Variants in CDH13 observed in about 807,000 individuals in gnomAD.
CDH13 encodes the protein cadherin-13.
CDH13 carries 24 observed loss-of-function variants against 63.8 expected under a neutral mutation model. The ratio of observed to expected loss-of-function variants is 0.38; its 90% CI spans 0.27 to 0.53. The LOEUF (loss-of-function observed/expected upper bound fraction) is 0.53. Ranked by LOEUF, CDH13 falls within the 20% of genes least tolerant of loss-of-function variation. The probability of loss-of-function intolerance (pLI) is 0.85; values close to 1 mark genes in which losing one functional copy is unlikely to be tolerated. For synonymous variants in CDH13, 503 were observed against 355.3 expected (o/e 1.42, Z -4.67); for missense variants, 1,049 against 903.1 (o/e 1.16, Z -2.07).
At position 83,748,089 on chromosome 16, in the gene CDH13, T is replaced by G; in HGVS notation, c.1539-19T>G. The G allele has an allele frequency of 6.2e-7, 1 of 1,613,768 alleles. No homozygotes were observed. Among genetic ancestry groups the G allele is most frequent in the Middle Eastern group, 1.6e-4 (1 of 6,062 alleles). ...TCTACTTTGAATGCAGAGTCTGACA[T>G]TGTGGGGATTTTTTTCAGGTATTCT... On this transcript the variant is annotated intron_variant, in intron 10 of 13. Transcript: ENST00000567109.
At chr16:83,148,028 G>T (rs2036823779) in intron 4 of CDH13, among the ~76,000 whole-genome samples, 1 of 152,124 alleles carries the variant, frequency 6.6e-6, no homozygotes, top group Non-Finnish European at 1.5e-5. Context: ...CAGCCTCCTA[G>T]GTACAAGCAA....
intron 1 of CDH13, among the ~76,000 whole-genome samples, chr16:82,724,289 A>G (rs972672266): frequency 4.6e-5 from 7 of 152,056 alleles, no homozygotes; most frequent in Admixed American, 4.6e-4. Flanking sequence ...CCATCTATCC[A>G]TCCATCCATC....
chr16:83,189,815 C>G (rs751712680), intron 4 of CDH13, among the ~76,000 whole-genome samples: 2 of 152,186 alleles, frequency 1.3e-5, no homozygotes, highest in African/African-American at 2.4e-5. Context: ...CCCATAATCC[C>G]CACACGTCAC....
chr16:83,475,281 G>A (rs1416730740), intron 6 of CDH13, among the ~76,000 whole-genome samples: 3 of 152,216 alleles, frequency 2.0e-5, no homozygotes, highest in Non-Finnish European at 4.4e-5. Context: ...TGAAGTGCAG[G>A]CAAGAGTGCT....
chr16:83,216,429 T>TATAAATATATATATATAA (rs1555513904), intron 4 of CDH13, among the ~76,000 whole-genome samples: 1 of 105,696 alleles, frequency 9.5e-6, no homozygotes, highest in Non-Finnish European at 2.0e-5. Flanking sequence ...TATATATATA[T>TATAAATATATATATATAA]ATATATATAT....
intron 5 of CDH13, among the ~76,000 whole-genome samples, chr16:83,233,314 A>T (rs7195057): frequency 6.6e-6 from 1 of 152,002 alleles, no homozygotes; most frequent in African/African-American, 2.4e-5. Context: ...GACCACGACA[A>T]TGTTGATGAT....
At chr16:82,998,923 T>C (rs1437361570) in intron 2 of CDH13, among the ~76,000 whole-genome samples, 1 of 149,090 alleles carries the variant, frequency 6.7e-6, no homozygotes, top group Admixed American at 6.7e-5. Context: ...CCAACACTTT[T>C]CTTGTTAAAG....
intron 6 of CDH13, among the ~76,000 whole-genome samples, chr16:83,449,501 G>T (rs755362037): frequency 1.8e-4 from 27 of 152,076 alleles, no homozygotes; most frequent in Non-Finnish European, 3.5e-4. Context: ...AATATCACTC[G>T]GTGAATCAAA....
chr16:82,642,091 CAAA>C (rs373359175), intron 1 of CDH13, among the ~76,000 whole-genome samples: 21 of 110,440 alleles, frequency 1.9e-4, no homozygotes, highest in South Asian at 3.1e-4. Context: ...TCATGGAGGG[CAAA>C]AAAAAAAAAA....
intron 5 of CDH13, among the ~76,000 whole-genome samples, chr16:83,291,767 C>A (rs980377693): frequency 6.6e-6 from 1 of 152,188 alleles, no homozygotes; most frequent in African/African-American, 2.4e-5. Flanking sequence ...TTTATGCCAA[C>A]TGGGACTTTT....
chr16:82,769,877 G>C (rs764756397), intron 1 of CDH13, among the ~76,000 whole-genome samples: 2 of 152,332 alleles, frequency 1.3e-5, no homozygotes, highest in South Asian at 2.1e-4. Flanking sequence ...GACAGGATAA[G>C]TCAGAGAGGA....
chr16:82,897,913 T>G (rs1000251433), intron 2 of CDH13, among the ~76,000 whole-genome samples: 1 of 152,248 alleles, frequency 6.6e-6, no homozygotes, highest in Non-Finnish European at 1.5e-5. Context: ...CTCCTTTGCA[T>G]GCCAGTCCAT....
At chr16:83,152,506 C>G (rs1014139100) in intron 4 of CDH13, among the ~76,000 whole-genome samples, 3 of 152,040 alleles carry the variant, frequency 2.0e-5, no homozygotes, top group African/African-American at 7.2e-5. Flanking sequence ...AAAGGTGATT[C>G]CTTTACATTT....
chr16:83,230,102 T>A (rs909058184), intron 5 of CDH13, among the ~76,000 whole-genome samples: 4 of 152,142 alleles, frequency 2.6e-5, no homozygotes, highest in Non-Finnish European at 5.9e-5. Context: ...TGGTCAGAGG[T>A]CAGAAAGGCT....
intron 8 of CDH13, among the ~76,000 whole-genome samples, chr16:83,607,881 G>A (rs1220401104): frequency 6.6e-6 from 1 of 152,036 alleles, no homozygotes; most frequent in Non-Finnish European, 1.5e-5. Context: ...AGCCCCATTT[G>A]TGGCTTTTTC....
rs748176231 is a variant in CDH13, at chr16:82,713,040, C to T, written c.45+85903C>T. Among the ~76,000 whole-genome samples, 54 of 108,330 alleles carry T rather than the reference C, an allele frequency of 5.0e-4. 2 individuals carry two copies. In the East Asian group the frequency reaches 6.6e-3, roughly 13 times the overall value. The allele number at this position is 108,330 out of a possible 152,430, so 71.1% of individuals were successfully genotyped here. On this transcript the variant is annotated intron_variant, in intron 1 of 13. Coordinates refer to ENST00000567109, the MANE Select transcript of CDH13 (RefSeq NM_001257.5). ...AATGCTTATGGAGTGAATAGAACCC[C>T]GGCGTGTGTGTGTGTGGTGTGTGTG...
At chr16:83,418,088 C>T (rs1380506492) in intron 6 of CDH13, among the ~76,000 whole-genome samples, 1 of 152,150 alleles carries the variant, frequency 6.6e-6, no homozygotes, top group Non-Finnish European at 1.5e-5. Context: ...GGAAAATGGG[C>T]TCTTTGGAAA....
chr16:82,942,338 C>A (rs545410288), intron 2 of CDH13, among the ~76,000 whole-genome samples: 3 of 152,174 alleles, frequency 2.0e-5, no homozygotes, highest in Non-Finnish European at 4.4e-5. Context: ...GATCTATTTC[C>A]GCACTGTCTT....
chr16:83,322,889 G>A (rs1255486955), intron 5 of CDH13, among the ~76,000 whole-genome samples: 1 of 152,088 alleles, frequency 6.6e-6, no homozygotes, highest in Non-Finnish European at 1.5e-5. Flanking sequence ...TTTTAGAGAA[G>A]GATGACACTT....
Sources: allele counts gnomAD v4.1 joint callset (sites outside exome capture counted in the v4.1 genomes callset), GRCh38; gene constraint gnomAD v4.1.1; transcripts MANE v1.5; gene names NCBI Gene and HGNC (gene_info 2026-07-23, HGNC 2026-07-21).